Variants in PDE3A observed in about 807,000 individuals in gnomAD.
PDE3A encodes the protein phosphodiesterase 3A, also known as cGMP-inhibited 3',5'-cyclic phosphodiesterase 3A.
Under a neutral mutation model 98.3 loss-of-function variants are expected in PDE3A, and 43 were observed. That is an observed-to-expected ratio of 0.44 (90% CI 0.34 to 0.56). The LOEUF (loss-of-function observed/expected upper bound fraction) is 0.56. Ranked by LOEUF, PDE3A falls within the 20% of genes least tolerant of loss-of-function variation. The pLI is 0.01. For synonymous variants in PDE3A, 663 were observed against 567.9 expected, an observed-to-expected ratio of 1.17 and a Z score of -2.38; for missense variants, 1,427 against 1,440.7, an observed-to-expected ratio of 0.99 and a Z score of 0.15.
chr12:20,556,525 T>C, intron 1 of PDE3A, 135 bp from the exon 2 acceptor site: 1 of 645,232 alleles, frequency 1.5e-6, no homozygotes. Context: ...TTTAGGTATG[T>C]TAATTTATTC....
chr12:20,583,079 C>T (rs1162252589), intron 2 of PDE3A, among the ~76,000 whole-genome samples: 1 of 151,978 alleles, frequency 6.6e-6, no homozygotes, highest in Admixed American at 6.6e-5. Context: ...CAGTCAAGCC[C>T]CTGCCCAGAA....
chr12:20,670,432 G>C (rs1466976517), intron 15 of PDE3A, among the ~76,000 whole-genome samples: 1 of 151,850 alleles, frequency 6.6e-6, no homozygotes, highest in Non-Finnish European at 1.5e-5. Context: ...TTCCAAAATT[G>C]ACCACATAAT....
At chr12:20,622,404 C>T (rs563891282) in intron 5 of PDE3A, among the ~76,000 whole-genome samples, 1 of 152,264 alleles carries the variant, frequency 6.6e-6, no homozygotes, top group East Asian at 1.9e-4. Flanking sequence ...TTATGGGAAC[C>T]TAGTCCCTCA....
At chr12:20,439,049 C>A (rs534500080) in intron 1 of PDE3A, among the ~76,000 whole-genome samples, 4 of 152,122 alleles carry the variant, frequency 2.6e-5, no homozygotes, top group Non-Finnish European at 5.9e-5. Flanking sequence ...CCTGCCTCAC[C>A]CTTTCAGAGT....
chr12:20,481,440 C>A (rs1325797903), intron 1 of PDE3A, among the ~76,000 whole-genome samples: 1 of 152,056 alleles, frequency 6.6e-6, no homozygotes, highest in Non-Finnish European at 1.5e-5. Flanking sequence ...GCTCTTTCAA[C>A]TGTATTTACT....
chr12:20,590,806 C>T (rs978732116), intron 2 of PDE3A, among the ~76,000 whole-genome samples: 14 of 152,028 alleles, frequency 9.2e-5, no homozygotes, highest in African/African-American at 3.1e-4. Flanking sequence ...AATGTTTCAC[C>T]TCGGGTATAC....
At chr12:20,653,560 C>A (rs1944969510) in intron 14 of PDE3A, among the ~76,000 whole-genome samples, 1 of 152,144 alleles carries the variant, frequency 6.6e-6, no homozygotes, top group African/African-American at 2.4e-5. Flanking sequence ...GACGGAGTTT[C>A]ACCATGTTGG....
chr12:20,581,037 C>T (rs918940700), intron 2 of PDE3A, among the ~76,000 whole-genome samples: 1 of 152,122 alleles, frequency 6.6e-6, no homozygotes, highest in Non-Finnish European at 1.5e-5. Context: ...TGTTTAATTA[C>T]TGAGATTTTC....
intron 15 of PDE3A, among the ~76,000 whole-genome samples, chr12:20,666,070 T>A (rs1945302700): frequency 6.7e-6 from 1 of 149,860 alleles, no homozygotes; most frequent in Non-Finnish European, 1.5e-5. Flanking sequence ...TGGGTTGAAG[T>A]GATTCTCCTG....
At chr12:20,560,284 GA>G (rs1260145155) in intron 2 of PDE3A, among the ~76,000 whole-genome samples, 1 of 152,100 alleles carries the variant, frequency 6.6e-6, no homozygotes, top group Non-Finnish European at 1.5e-5. Context: ...CTGATTTTTG[GA>G]AAATATGCTA....
At chr12:20,674,619 T>C (rs1008299256) in intron 15 of PDE3A, among the ~76,000 whole-genome samples, 1 of 152,164 alleles carries the variant, frequency 6.6e-6, no homozygotes, top group African/African-American at 2.4e-5. Context: ...TATTGCTGAT[T>C]TAATCTGATT....
At chr12:20,672,576 C>T (rs1164436923) in intron 15 of PDE3A, among the ~76,000 whole-genome samples, 3 of 148,366 alleles carry the variant, frequency 2.0e-5, no homozygotes, top group Non-Finnish European at 4.5e-5. Flanking sequence ...TTTGACAAAC[C>T]TGAGAAAAAC....
intron 4 of PDE3A, among the ~76,000 whole-genome samples, chr12:20,616,755 C>T (rs1944017755): frequency 6.6e-6 from 1 of 152,042 alleles, no homozygotes; most frequent in East Asian, 1.9e-4. Flanking sequence ...ATGAGATCCC[C>T]CAGCCCAGTC....
rs553083269 is a variant in PDE3A at position 20,571,177 on chromosome 12, G to A, written c.1011+14467G>A. On this transcript the variant is annotated intron_variant, in intron 2 of 15. Transcript: ENST00000359062. The stretch of plus-strand genomic sequence containing the variant: ...CTTCATGTTTGTTCATCCATGAATT[G>A]TGGGAGCTTATATTGTAAACTGATC... Among the ~76,000 whole-genome samples the A allele has an allele frequency of 3.9e-5, 6 of 152,264 alleles. No homozygotes were observed. In the East Asian group the frequency reaches 1.2e-3, roughly 29 times the overall value.
chr12:20,395,275 A>G (rs1943988302), intron 1 of PDE3A, among the ~76,000 whole-genome samples: 1 of 152,014 alleles, frequency 6.6e-6, no homozygotes, highest in African/African-American at 2.4e-5. Context: ...TGCAGCCTGG[A>G]AAGTATTACA....
chr12:20,629,981 G>T lies in PDE3A; in HGVS notation c.1614G>T (p.Leu538=). The change falls in exon 6 of 16, where the codon CTG becomes CTT. Residue 538 remains leucine, a synonymous_variant. Coordinates refer to ENST00000359062, the MANE Select transcript of PDE3A (RefSeq NM_000921.5). ...SPLQGTPASS[L]VSKISAVQFP... ...TCCAAGGGACTCCTGCCAGCAGCCT[G>T]GTCAGCAAAATTTCTGCAGTGCAGT... 1 of 1,613,942 alleles carries T rather than the reference G, an allele frequency of 6.2e-7. No individual in the cohort carries two copies. The highest frequency in any genetic ancestry group is 8.5e-7 in the Non-Finnish European group (1 of 1,179,940).
At chr12:20,666,301 TC>T (rs1397424490) in intron 15 of PDE3A, among the ~76,000 whole-genome samples, 1 of 152,138 alleles carries the variant, frequency 6.6e-6, no homozygotes, top group African/African-American at 2.4e-5. Context: ...AGTCCCCTCT[TC>T]CCACTATTTT....
intron 1 of PDE3A, among the ~76,000 whole-genome samples, chr12:20,411,386 A>G (rs143712785): frequency 4.6e-5 from 7 of 152,308 alleles, no homozygotes; most frequent in Admixed American, 4.6e-4. Context: ...TTTAGAAGTA[A>G]AATAGGACAG....
At chr12:20,490,561 G>T (rs77976653) in intron 1 of PDE3A, among the ~76,000 whole-genome samples, 11,348 of 152,160 alleles carry the variant, frequency 0.075, 924 homozygotes, top group African/African-American at 0.21. Flanking sequence ...AGGCTGAGGT[G>T]CAACTTAGAC....
Sources: allele counts gnomAD v4.1 joint callset (sites outside exome capture counted in the v4.1 genomes callset), GRCh38; gene constraint gnomAD v4.1.1; transcripts MANE v1.5; gene names NCBI Gene and HGNC (gene_info 2026-07-23, HGNC 2026-07-21).